NFIB: variants seen among roughly 807,000 people sequenced by gnomAD.
NFIB encodes the protein nuclear factor 1 B-type.
NFIB carries 11 observed loss-of-function variants against 61.5 expected under a neutral mutation model. The ratio of observed to expected loss-of-function variants is 0.18; its 90% CI spans 0.11 to 0.30. The LOEUF is 0.30. Ranked by LOEUF, NFIB falls within the 10% of genes least tolerant of loss-of-function variation. The pLI, the probability that NFIB is intolerant of heterozygous loss-of-function variation, is 1.00. For synonymous variants in NFIB, 260 were observed against 216.5 expected (o/e 1.20, Z -1.76); for missense variants, 471 against 608.9 (o/e 0.77, Z 2.38).
intron 2 of NFIB, among the ~76,000 whole-genome samples, chr9:14,216,766 G>A (rs1286519117): frequency 6.6e-6 from 1 of 152,096 alleles, no homozygotes; most frequent in East Asian, 1.9e-4. Flanking sequence ...AGGCTATGCT[G>A]ACTTTGCCAA....
At chr9:14,221,517 C>T (rs1049123843) in intron 2 of NFIB, among the ~76,000 whole-genome samples, 2 of 152,190 alleles carry the variant, frequency 1.3e-5, no homozygotes, top group Non-Finnish European at 2.9e-5. Context: ...CCCGAAGTCA[C>T]ACAGCTCAAG....
chr9:14,430,534 G>T, the NFIB span, among the ~76,000 whole-genome samples: 1 of 152,078 alleles, frequency 6.6e-6, no homozygotes, highest in Non-Finnish European at 1.5e-5. Context: ...GACTTGTCAA[G>T]GAATCTAGTT....
the NFIB span, among the ~76,000 whole-genome samples, chr9:14,422,807 T>C: frequency 6.6e-6 from 1 of 152,098 alleles, no homozygotes; most frequent in East Asian, 1.9e-4. Context: ...CTGCCAGCCA[T>C]AGATAGCCCT....
chr9:14,500,989 T>C, the NFIB span, among the ~76,000 whole-genome samples: 4 of 152,208 alleles, frequency 2.6e-5, no homozygotes, highest in Admixed American at 6.5e-5. Context: ...GTCGTGCCAA[T>C]TGTATAATGA....
At chr9:14,236,290 C>A (rs10961443) in intron 2 of NFIB, among the ~76,000 whole-genome samples, 1 of 152,088 alleles carries the variant, frequency 6.6e-6, no homozygotes, top group African/African-American at 2.4e-5. Flanking sequence ...CTTCTAACTT[C>A]TCTCTGCCCT....
the NFIB span, among the ~76,000 whole-genome samples, chr9:14,499,630 T>C: frequency 1.3e-5 from 2 of 152,178 alleles, no homozygotes; most frequent in African/African-American, 2.4e-5. Flanking sequence ...TCTTTGGATA[T>C]GGAAAATAAT....
chr9:14,283,194 C>G (rs767729348), intron 2 of NFIB, among the ~76,000 whole-genome samples: 1 of 152,134 alleles, frequency 6.6e-6, no homozygotes, highest in African/African-American at 2.4e-5. Context: ...TAAAAGAAAA[C>G]GAACTGACAT....
At chr9:14,404,867 G>A in the NFIB span, among the ~76,000 whole-genome samples, 4 of 152,138 alleles carry the variant, frequency 2.6e-5, no homozygotes, top group Non-Finnish European at 2.9e-5. Flanking sequence ...GCAAGCTTCC[G>A]TGTCCAGCCT....
At chr9:14,356,505 TGGTCAGCA>T (rs2061177799) in intron 1 of NFIB, among the ~76,000 whole-genome samples, 1 of 152,104 alleles carries the variant, frequency 6.6e-6, no homozygotes, top group East Asian at 1.9e-4. Context: ...CTACCCAGAA[TGGTCAGCA>T]AGGCCCTGAG....
chr9:14,157,752 T>C (rs967927659), intron 3 of NFIB, among the ~76,000 whole-genome samples: 1 of 152,158 alleles, frequency 6.6e-6, no homozygotes, highest in African/African-American at 2.4e-5. Flanking sequence ...CACTGTAACT[T>C]ACTATCATAT....
the NFIB span, among the ~76,000 whole-genome samples, chr9:14,506,032 A>G: frequency 2.6e-5 from 4 of 152,322 alleles, no homozygotes; most frequent in South Asian, 4.1e-4. Flanking sequence ...ATGCAGCCAA[A>G]TAGAAAGAAA....
chr9:14,153,727 C>A (rs1394151028), intron 4 of NFIB, among the ~76,000 whole-genome samples: 2 of 152,126 alleles, frequency 1.3e-5, no homozygotes, highest in East Asian at 3.9e-4. Flanking sequence ...CACTAGCATA[C>A]TGTAAACCCT....
At chr9:14,527,287 A>G in the NFIB span, among the ~76,000 whole-genome samples, 1 of 152,182 alleles carries the variant, frequency 6.6e-6, no homozygotes, top group African/African-American at 2.4e-5. Flanking sequence ...TTTTACTCAG[A>G]TATCATCATC....
chr9:14,528,686 T>A, the NFIB span, among the ~76,000 whole-genome samples: 2 of 152,178 alleles, frequency 1.3e-5, no homozygotes, highest in Non-Finnish European at 2.9e-5. Context: ...TAATGTCTGG[T>A]GCATACCTGC....
chr9:14,156,410 C>T (rs1028950636), intron 3 of NFIB, among the ~76,000 whole-genome samples: 2 of 152,204 alleles, frequency 1.3e-5, no homozygotes. Flanking sequence ...ACATAAAAAG[C>T]AGAACTTGTA....
intron 5 of NFIB, among the ~76,000 whole-genome samples, chr9:14,149,682 A>G (rs1247732538): frequency 6.6e-6 from 1 of 152,202 alleles, no homozygotes; most frequent in Non-Finnish European, 1.5e-5. Flanking sequence ...TAATTGAAGA[A>G]CTTGGCAAAC....
intron 2 of NFIB, among the ~76,000 whole-genome samples, chr9:14,285,180 G>A (rs1367471838): frequency 6.6e-6 from 1 of 152,114 alleles, no homozygotes; most frequent in Non-Finnish European, 1.5e-5. Context: ...TGGAGCACAA[G>A]GGTGCAATCT....
chr9:14,304,602 G>A (rs2059923526), intron 2 of NFIB, among the ~76,000 whole-genome samples: 1 of 152,166 alleles, frequency 6.6e-6, no homozygotes, highest in African/African-American at 2.4e-5. Flanking sequence ...GAAAAAGGGG[G>A]AAACGTAATT....
At chr9:14,485,631 T>C in the NFIB span, among the ~76,000 whole-genome samples, 1,554 of 152,136 alleles carry the variant, frequency 0.01, 30 homozygotes, top group African/African-American at 0.036. Context: ...TCCCAGCACT[T>C]TGAGAGGCCA....
Sources: allele counts gnomAD v4.1 joint callset (sites outside exome capture counted in the v4.1 genomes callset), GRCh38; gene constraint gnomAD v4.1.1; transcripts MANE v1.5; gene names NCBI Gene and HGNC (gene_info 2026-07-23, HGNC 2026-07-21).